SVOP: variants seen among roughly 807,000 people sequenced by gnomAD.
The protein encoded by SVOP is synaptic vesicle 2-related protein.
A neutral mutation model predicts 69.1 loss-of-function variants in SVOP; 17 were observed. The ratio of observed to expected loss-of-function variants is 0.25; its 90% CI spans 0.17 to 0.37. The LOEUF is 0.37. Among genes scored for constraint, SVOP ranks in the 10% least tolerant of loss-of-function variants. The probability of loss-of-function intolerance (pLI) is 1.00; values close to 1 mark genes in which losing one functional copy is unlikely to be tolerated. For synonymous variants in SVOP, 238 were observed against 238.6 expected (o/e 1.00, Z 0.02); for missense variants, 435 against 597.5 (o/e 0.73, Z 2.84).
At position 109,020,946 on chromosome 12, in the gene SVOP, C is replaced by T. The variant is rs2135639401; in HGVS notation, c.-78G>A. ...GGATGACGAGCCCTCCGGTTTTCAGCACCGGGAAGCTGGACAGCACCCGCG... is the reference window on the plus strand; with the variant it reads ...GGATGACGAGCCCTCCGGTTTTCAGTACCGGGAAGCTGGACAGCACCCGCG... On this transcript the variant is annotated 5_prime_UTR_variant, in exon 1 of 16. Transcript: ENST00000610966. 1 of 694,836 alleles carries T rather than the reference C, an allele frequency of 1.4e-6. No individual in the cohort carries two copies. Among genetic ancestry groups the T allele is most frequent in the Non-Finnish European group, 2.7e-6 (1 of 373,126 alleles). 43.0% of individuals were successfully genotyped at this position (694,836 alleles called of 1,614,324 possible).
At position 109,001,944 on chromosome 12, in the gene SVOP, A is replaced by C. The variant is rs1442080235; in HGVS notation, c.36-18183T>G. ...ACACCAAAAGCAATGGCAACAAAAG[A>C]CAAAATTGACAAATGGGATCTAATT... On this transcript the variant is annotated intron_variant, in intron 1 of 15. Transcript: ENST00000610966. 1.1e-3 allele frequency among the ~76,000 whole-genome samples: 141 copies of C among 128,546 alleles called. 1 individual carries two copies. The highest frequency in any genetic ancestry group is 3.2e-3 in the African/African-American group (115 of 35,604). 84.3% of individuals were successfully genotyped at this position (128,546 alleles called of 152,430 possible). A position where few individuals can be genotyped will look rare whatever the true frequency, so the allele number is the denominator to read the frequency against.
At chr12:108,917,101 G>T (rs1452124966) in intron 14 of SVOP, among the ~76,000 whole-genome samples, 1 of 152,188 alleles carries the variant, frequency 6.6e-6, no homozygotes, top group Non-Finnish European at 1.5e-5. Context: ...CCACTCTGGG[G>T]GTTCCCTGTT....
chr12:108,975,404 A>G (rs1472229061), intron 4 of SVOP, among the ~76,000 whole-genome samples: 1 of 152,216 alleles, frequency 6.6e-6, no homozygotes, highest in Non-Finnish European at 1.5e-5. Flanking sequence ...TCATACCACA[A>G]GAAAGTAGCC....
rs149719448 is a variant in SVOP, at chr12:108,976,280, C to T, written c.381+1118G>A. 6.9e-3 allele frequency among the ~76,000 whole-genome samples: 1,052 copies of T among 152,170 alleles called. 14 individuals carry two copies. The highest frequency in any genetic ancestry group is 7.0e-3 in the Non-Finnish European group (476 of 68,002). ...ACCTTATTGCTAATATCAGACTGGG[C>T]CATGCTGTGTGGAAGGCACTCAGGC... On this transcript the variant is annotated intron_variant, in intron 4 of 15. Coordinates refer to ENST00000610966, the MANE Select transcript of SVOP (RefSeq NM_018711.5).
chr12:109,001,741 A>T (rs1156264256), intron 1 of SVOP, among the ~76,000 whole-genome samples: 5 of 149,388 alleles, frequency 3.3e-5, no homozygotes, highest in Admixed American at 2.0e-4. Context: ...GGTGCTGGGA[A>T]AACTGGCTAG....
chr12:108,960,818 T>C (rs1049131182), intron 6 of SVOP, 105 bp downstream of exon 6: 9 of 1,390,516 alleles, frequency 6.5e-6, no homozygotes, highest in Non-Finnish European at 7.6e-6. Context: ...TAGCTATCTC[T>C]GCACCCCTGC....
intron 11 of SVOP, among the ~76,000 whole-genome samples, chr12:108,926,969 C>T (rs1192865869): frequency 6.6e-6 from 1 of 152,224 alleles, no homozygotes; most frequent in Non-Finnish European, 1.5e-5. Context: ...CTCCCCTTGG[C>T]TCAAATAGTA....
chr12:108,969,375 C>A (rs1415097340), intron 5 of SVOP, among the ~76,000 whole-genome samples: 1 of 76,896 alleles, frequency 1.3e-5, no homozygotes, highest in Non-Finnish European at 2.4e-5. Flanking sequence ...TCCCCCTTTC[C>A]TTTTCTTTCT....
chr12:109,004,731 T>TCATTTCATTTCATTA (rs2040294941), intron 1 of SVOP, among the ~76,000 whole-genome samples: 2 of 151,210 alleles, frequency 1.3e-5, no homozygotes, highest in African/African-American at 4.9e-5. Flanking sequence ...TCATTTCATT[T>TCATTTCATTTCATTA]CATTTCATTT....
At chr12:108,965,495 G>C (rs2040039952) in intron 5 of SVOP, among the ~76,000 whole-genome samples, 2 of 152,172 alleles carry the variant, frequency 1.3e-5, no homozygotes, top group Admixed American at 1.3e-4. Context: ...CTAGCCAAAA[G>C]ATACCATGAC....
chr12:108,960,768 C>G (rs1416218910), intron 6 of SVOP, among the ~76,000 whole-genome samples, 155 bp downstream of exon 6: 2 of 152,114 alleles, frequency 1.3e-5, no homozygotes, highest in Non-Finnish European at 2.9e-5. Flanking sequence ...ATGCTATTTT[C>G]TTGCTACACC....
intron 11 of SVOP, among the ~76,000 whole-genome samples, chr12:108,931,445 G>T (rs1464793094): frequency 6.6e-6 from 1 of 152,166 alleles, no homozygotes; most frequent in African/African-American, 2.4e-5. Context: ...ACCTCCAGCT[G>T]CACAATAGAA....
chr12:109,017,187 C>T (rs1051237916), intron 1 of SVOP, among the ~76,000 whole-genome samples: 2 of 152,030 alleles, frequency 1.3e-5, no homozygotes, highest in Non-Finnish European at 2.9e-5. Context: ...GCATTACCGC[C>T]CAAGCTCCAC....
At chr12:108,996,249 A>T (rs1220346379) in intron 1 of SVOP, among the ~76,000 whole-genome samples, 1 of 152,146 alleles carries the variant, frequency 6.6e-6, no homozygotes, top group East Asian at 1.9e-4. Context: ...CTAGGTCCTC[A>T]ATACTCAAAA....
chr12:108,969,984 G>A (rs150843410), intron 5 of SVOP, among the ~76,000 whole-genome samples: 1,887 of 152,228 alleles, frequency 0.012, 46 homozygotes, highest in African/African-American at 0.043. Flanking sequence ...CCAAGACCCC[G>A]AGGCCCATCA....
chr12:109,014,414 T>C (rs1033394015), intron 1 of SVOP, among the ~76,000 whole-genome samples: 10 of 152,198 alleles, frequency 6.6e-5, no homozygotes, highest in African/African-American at 1.7e-4. Flanking sequence ...TTAGCAATAT[T>C]GCACAATGGA....
At chr12:108,992,847 G>A (rs1484443215) in intron 1 of SVOP, among the ~76,000 whole-genome samples, 1 of 151,990 alleles carries the variant, frequency 6.6e-6, no homozygotes, top group Non-Finnish European at 1.5e-5. Flanking sequence ...TTGTAAAACT[G>A]CACACTTTAA....
chr12:108,928,655 T>C (rs748133399), intron 11 of SVOP, among the ~76,000 whole-genome samples: 67 of 151,308 alleles, frequency 4.4e-4, no homozygotes, highest in Non-Finnish European at 5.5e-4. Context: ...CAAGCTCCGC[T>C]TCTCAGGCTC....
intron 10 of SVOP, among the ~76,000 whole-genome samples, chr12:108,935,674 GA>G (rs1387668365): frequency 6.6e-6 from 1 of 152,168 alleles, no homozygotes; most frequent in Non-Finnish European, 1.5e-5. Context: ...ATAGAAAAAT[GA>G]GAACTGGTTA....
Sources: allele counts gnomAD v4.1 joint callset (sites outside exome capture counted in the v4.1 genomes callset), GRCh38; gene constraint gnomAD v4.1.1; transcripts MANE v1.5; gene names NCBI Gene and HGNC (gene_info 2026-07-23, HGNC 2026-07-21).